The following PLEKHH2 variants were observed in gnomAD, a reference collection of about 807,000 sequenced individuals.
PLEKHH2 encodes pleckstrin homology domain-containing family H member 2.
A neutral mutation model predicts 187.9 loss-of-function variants in PLEKHH2; 129 were observed. The observed-to-expected ratio is 0.69, with a 90% CI of 0.59 to 0.79. The LOEUF (loss-of-function observed/expected upper bound fraction) is 0.79, where lower values mean the gene tolerates loss of function less well. Among genes scored for constraint, PLEKHH2 ranks in the 30% least tolerant of loss-of-function variants. The pLI, the probability that PLEKHH2 is intolerant of heterozygous loss-of-function variation, is 0.00. For missense variants in PLEKHH2, 2,076 were observed against 1,751.2 expected, an observed-to-expected ratio of 1.19 and a Z score of -3.31; for synonymous variants, 686 against 605.6, an observed-to-expected ratio of 1.13 and a Z score of -1.95.
At chr2:43,678,532 A>G (rs1437413553) in intron 2 of PLEKHH2, among the ~76,000 whole-genome samples, 12 of 152,100 alleles carry the variant, frequency 7.9e-5, no homozygotes, top group African/African-American at 2.9e-4. Flanking sequence ...ACACAGCGAA[A>G]CCCCGTCTCC....
Position 43,738,375 on chromosome 2 carries a change from C to G in PLEKHH2, c.2978C>G (p.Ser993Cys). The stretch of plus-strand genomic sequence containing the variant: ...CTTTTTATAAATGCTGCAGTTGACT[C>G]TCCTGCAATTGATTACCACATATCT... ...CQLFINAAVD[S>C]PAIDYHISLA... Residue 993 changes from serine (S) to cysteine (C), a missense_variant, in exon 20 of 30, where the codon TCT becomes TGT. Physicochemically the swap from Ser to Cys is moderately radical, Grantham distance 112 (BLOSUM62 -1). Transcript: ENST00000282406. 1.2e-6 allele frequency: 2 copies of G among 1,612,742 alleles called. No homozygotes were observed. Among genetic ancestry groups the G allele is most frequent in the Non-Finnish European group, 1.7e-6 (2 of 1,179,038 alleles).
chr2:43,659,075 C>T (rs974117789), intron 2 of PLEKHH2, among the ~76,000 whole-genome samples: 4 of 149,514 alleles, frequency 2.7e-5, no homozygotes, highest in Admixed American at 1.3e-4. Flanking sequence ...TGGGCTGAAG[C>T]GATCCTCCCA....
intron 15 of PLEKHH2, among the ~76,000 whole-genome samples, chr2:43,717,221 C>T (rs1198739891): frequency 6.6e-6 from 1 of 152,098 alleles, no homozygotes; most frequent in Non-Finnish European, 1.5e-5. Context: ...AGTTTGAGAC[C>T]AGCCTGGCCA....
At chr2:43,659,180 C>T (rs537748449) in intron 2 of PLEKHH2, among the ~76,000 whole-genome samples, 14 of 144,330 alleles carry the variant, frequency 9.7e-5, no homozygotes, top group East Asian at 3.9e-4. Context: ...TTGGTAGAAG[C>T]GAGGTTTTTG....
intron 1 of PLEKHH2, among the ~76,000 whole-genome samples, chr2:43,639,352 T>C (rs1214507418): frequency 6.6e-6 from 1 of 152,208 alleles, no homozygotes; most frequent in Non-Finnish European, 1.5e-5. Flanking sequence ...TGTATAGCCA[T>C]CACCAATATC....
intron 1 of PLEKHH2, among the ~76,000 whole-genome samples, chr2:43,640,824 G>T (rs999434271): frequency 6.6e-6 from 1 of 150,820 alleles, no homozygotes; most frequent in African/African-American, 2.4e-5. Flanking sequence ...TCCCTCTGTC[G>T]CCCAGGCTGG....
chr2:43,757,316 G>A lies in PLEKHH2; in HGVS notation c.3941+52G>A, dbSNP rs1017412569. ...AGGGTAGGGTCATACTAGTTTTTTGGTAATATTTTTGTGTTCAAATTTTAA... is the reference window on the plus strand; with the variant it reads ...AGGGTAGGGTCATACTAGTTTTTTGATAATATTTTTGTGTTCAAATTTTAA... On this transcript the variant is annotated intron_variant, in intron 26 of 29. Transcript: ENST00000282406. 3.0e-6 allele frequency: 4 copies of A among 1,335,874 alleles called. No homozygotes were observed. The African/African-American group carries it at 6.1e-5, about 20-fold the overall frequency. 82.8% of individuals were successfully genotyped at this position (1,335,874 alleles called of 1,614,324 possible). A position where few individuals can be genotyped will look rare whatever the true frequency, so the allele number is the denominator to read the frequency against.
chr2:43,645,340 C>G (rs1241025059), intron 2 of PLEKHH2, among the ~76,000 whole-genome samples: 2 of 152,020 alleles, frequency 1.3e-5, no homozygotes, highest in Admixed American at 6.6e-5. Flanking sequence ...GTGTATAAAA[C>G]CAATAGATTT....
chr2:43,658,473 G>A (rs1666899709), intron 2 of PLEKHH2, among the ~76,000 whole-genome samples: 2 of 152,200 alleles, frequency 1.3e-5, no homozygotes, highest in African/African-American at 4.8e-5. Flanking sequence ...TTATGGATTA[G>A]AAATTTGGAA....
At position 43,697,169 on chromosome 2, in the gene PLEKHH2, A is replaced by G. The variant is rs1237246833; in HGVS notation, c.503-2A>G. 4 of 1,562,478 alleles carry G rather than the reference A, an allele frequency of 2.6e-6. No homozygotes were observed. Among genetic ancestry groups the G allele is most frequent in the Non-Finnish European group, 3.5e-6 (4 of 1,156,324 alleles). The stretch of plus-strand genomic sequence containing the variant: ...TCTTAATTTTGATTAACGATGTTGT[A>G]GAAGTTCAAGGAAAGAAGTCATCCA... On this transcript the variant is annotated splice_acceptor_variant, in intron 6 of 29. Transcript: ENST00000282406. LOFTEE classifies it high-confidence loss of function.
At chr2:43,687,850 G>A (rs1490478129) in intron 3 of PLEKHH2, among the ~76,000 whole-genome samples, 1 of 151,742 alleles carries the variant, frequency 6.6e-6, no homozygotes, top group East Asian at 1.9e-4. Context: ...AGGCTGGAGT[G>A]CAGCAGCATG....
intron 15 of PLEKHH2, among the ~76,000 whole-genome samples, chr2:43,715,952 A>G (rs1670190867): frequency 6.6e-6 from 1 of 152,182 alleles, no homozygotes; most frequent in Admixed American, 6.5e-5. Context: ...TTAAGGGCAC[A>G]GTAAGGAGAT....
chr2:43,747,208 A>C (rs1310263250), intron 24 of PLEKHH2, among the ~76,000 whole-genome samples: 1 of 151,712 alleles, frequency 6.6e-6, no homozygotes, highest in East Asian at 1.9e-4. Context: ...ATAAATACAG[A>C]CAGACCCAGT....
At chr2:43,645,135 T>C (rs17031165) in intron 2 of PLEKHH2, among the ~76,000 whole-genome samples, 5,300 of 152,158 alleles carry the variant, frequency 0.035, 128 homozygotes, top group East Asian at 0.13. Context: ...GAAGGGATTA[T>C]AGAAAAAAAT....
At chr2:43,725,095 G>C in intron 16 of PLEKHH2, among the ~76,000 whole-genome samples, 1 of 152,212 alleles carries the variant, frequency 6.6e-6, no homozygotes. Context: ...CGAGGAGGGA[G>C]CTTGTAAGGA....
chr2:43,713,364 A>T (rs982548554), intron 15 of PLEKHH2, among the ~76,000 whole-genome samples: 1 of 152,186 alleles, frequency 6.6e-6, no homozygotes, highest in Non-Finnish European at 1.5e-5. Flanking sequence ...CCCCAGAAAG[A>T]TTCCTTGCAC....
At chr2:43,667,910 T>C (rs13383115) in intron 2 of PLEKHH2, among the ~76,000 whole-genome samples, 7,845 of 152,260 alleles carry the variant, frequency 0.052, 333 homozygotes, top group African/African-American at 0.12. Flanking sequence ...AAACGCTGAA[T>C]TGTACACTTT....
intron 16 of PLEKHH2, among the ~76,000 whole-genome samples, chr2:43,725,962 T>C (rs1432718374): frequency 1.3e-5 from 2 of 151,550 alleles, no homozygotes; most frequent in Non-Finnish European, 2.9e-5. Context: ...AAATCATTTT[T>C]TTTTAATTAG....
At chr2:43,721,639 T>C (rs1670485722) in intron 16 of PLEKHH2, among the ~76,000 whole-genome samples, 1 of 152,142 alleles carries the variant, frequency 6.6e-6, no homozygotes. Flanking sequence ...ATCCCAGCAC[T>C]TTGGGAGGCC....
Sources: allele counts gnomAD v4.1 joint callset (sites outside exome capture counted in the v4.1 genomes callset), GRCh38; gene constraint gnomAD v4.1.1; transcripts MANE v1.5; gene names NCBI Gene and HGNC (gene_info 2026-07-23, HGNC 2026-07-21).